The following KLRG1 variants were observed in gnomAD, a reference collection of about 807,000 sequenced individuals.
KLRG1 encodes the protein killer cell lectin like receptor G1.
KLRG1 carries 16 observed loss-of-function variants against 21.8 expected under a neutral mutation model. That is an observed-to-expected ratio of 0.73 (90% CI 0.50 to 1.11). KLRG1 has a LOEUF of 1.11. KLRG1 is among the 50% of genes most tolerant of loss of function. The pLI is 0.00. For missense variants in KLRG1, 173 were observed against 218.3 expected, an observed-to-expected ratio of 0.79 and a Z score of 1.31; for synonymous variants, 69 against 75.9, an observed-to-expected ratio of 0.91 and a Z score of 0.47.
At chr12:9,158,669 A>C in the KLRG1 span, 1,149,503 of 1,253,634 alleles carry the variant, frequency 0.92, 529,254 homozygotes, top group East Asian at 0.96. Context: ...CACAGTGTGC[A>C]CCCAAGAAAG....
chr12:9,109,356 G>C, the KLRG1 span: 1 of 1,613,332 alleles, frequency 6.2e-7, no homozygotes, highest in African/African-American at 1.3e-5. Flanking sequence ...CTTCTTCCAA[G>C]ATGGTGATTA....
chr12:9,129,714 C>CT, the KLRG1 span, among the ~76,000 whole-genome samples: 4 of 151,930 alleles, frequency 2.6e-5, no homozygotes, highest in African/African-American at 9.7e-5. Context: ...CGCCCGGCTA[C>CT]TTTTTTTGTA....
the KLRG1 span, among the ~76,000 whole-genome samples, chr12:9,146,487 A>T: frequency 6.6e-6 from 1 of 152,254 alleles, no homozygotes; most frequent in East Asian, 1.9e-4. Flanking sequence ...AAATCACATA[A>T]TTCCATTTCA....
the KLRG1 span, among the ~76,000 whole-genome samples, chr12:9,193,617 T>C: frequency 6.6e-6 from 1 of 152,154 alleles, no homozygotes; most frequent in Non-Finnish European, 1.5e-5. Flanking sequence ...GACACTGAAA[T>C]CCATAAATTA....
At chr12:8,983,395 CTTTTTTTTTTT>C (rs764267755) in intron 1 of KLRG1, among the ~76,000 whole-genome samples, 8 of 89,516 alleles carry the variant, frequency 8.9e-5, no homozygotes, top group African/African-American at 3.2e-4. Context: ...ACCATTTTAC[CTTTTTTTTTTT>C]TTTTTTTTTT....
chr12:9,050,031 G>A, the KLRG1 span, among the ~76,000 whole-genome samples: 1 of 152,124 alleles, frequency 6.6e-6, no homozygotes, highest in African/African-American at 2.4e-5. Flanking sequence ...GCCACCTAGT[G>A]TCAATTATTG....
At chr12:9,157,076 T>C in the KLRG1 span, 3 of 1,165,536 alleles carry the variant, frequency 2.6e-6, no homozygotes, top group African/African-American at 4.6e-5. Flanking sequence ...CCTGATGCTC[T>C]CCCTCTCCGC....
chr12:9,169,700 C>A, the KLRG1 span: 1 of 1,050,870 alleles, frequency 9.5e-7, no homozygotes, highest in South Asian at 2.3e-5. Context: ...TGAGTACGTT[C>A]ATGTAGTTGG....
the KLRG1 span, among the ~76,000 whole-genome samples, chr12:9,173,159 A>G: frequency 6.6e-6 from 1 of 152,270 alleles, no homozygotes; most frequent in Admixed American, 6.5e-5. Context: ...AGAACTCAAG[A>G]TTAAGAAATT....
At chr12:9,088,403 G>A in the KLRG1 span, among the ~76,000 whole-genome samples, 1 of 152,024 alleles carries the variant, frequency 6.6e-6, no homozygotes, top group African/African-American at 2.4e-5. Flanking sequence ...CAGAAACGGA[G>A]AAGTCATGAT....
the KLRG1 span, chr12:9,151,694 CAGTTAA>C: frequency 4.4e-6 from 7 of 1,601,302 alleles, no homozygotes; most frequent in South Asian, 7.7e-5. Context: ...TAGAAAACTT[CAGTTAA>C]AGTTAGAGAA....
the KLRG1 span, chr12:9,095,698 A>T: frequency 2.5e-6 from 4 of 1,583,282 alleles, no homozygotes; most frequent in Non-Finnish European, 3.4e-6. Context: ...GCAGGTTGTA[A>T]ACCTGTACAA....
At chr12:9,163,718 C>A in the KLRG1 span, 1 of 1,613,910 alleles carries the variant, frequency 6.2e-7, no homozygotes, top group African/African-American at 1.3e-5. Context: ...ATCTCAGGGA[C>A]CTCAACAACC....
the KLRG1 span, among the ~76,000 whole-genome samples, chr12:9,210,843 G>A: frequency 5.3e-5 from 8 of 152,054 alleles, no homozygotes; most frequent in Non-Finnish European, 1.0e-4. Context: ...TTTTATTACA[G>A]TATAGCCCTC....
At chr12:9,110,946 A>T in the KLRG1 span, among the ~76,000 whole-genome samples, 24,749 of 152,116 alleles carry the variant, frequency 0.16, 2,180 homozygotes, top group African/African-American at 0.21. Flanking sequence ...CCTAGTGAAG[A>T]TCAATCCTTT....
the KLRG1 span, chr12:9,202,720 G>C: frequency 6.3e-7 from 1 of 1,588,774 alleles, no homozygotes; most frequent in South Asian, 1.1e-5. Context: ...CTGAGGAACT[G>C]TGCAGTCTTC....
chr12:9,197,964 A>G, the KLRG1 span, among the ~76,000 whole-genome samples: 1 of 134,200 alleles, frequency 7.5e-6, no homozygotes, highest in Non-Finnish European at 1.5e-5. Flanking sequence ...ATATTTATAT[A>G]TTATATATTA....
At chr12:9,018,647 C>A in the KLRG1 span, among the ~76,000 whole-genome samples, 1 of 148,496 alleles carries the variant, frequency 6.7e-6, no homozygotes. Flanking sequence ...TTGAGACCAG[C>A]CTGGGCAACA....
the KLRG1 span, among the ~76,000 whole-genome samples, chr12:9,030,926 C>G: frequency 3.3e-5 from 5 of 152,278 alleles, no homozygotes; most frequent in South Asian, 2.1e-4. Flanking sequence ...ATAGGGTAAC[C>G]TGTTTTCAAT....
Sources: allele counts gnomAD v4.1 joint callset (sites outside exome capture counted in the v4.1 genomes callset), GRCh38; gene constraint gnomAD v4.1.1; transcripts MANE v1.5; gene names NCBI Gene and HGNC (gene_info 2026-07-23, HGNC 2026-07-21).